The following TGM4 variants were observed in gnomAD, a reference collection of about 807,000 sequenced individuals.
TGM4 encodes transglutaminase 4.
Under a neutral mutation model 76.3 loss-of-function variants are expected in TGM4, and 61 were observed. That is an observed-to-expected ratio of 0.80 (90% confidence interval 0.65 to 0.99). The LOEUF (loss-of-function observed/expected upper bound fraction) is 0.99, where lower values mean the gene tolerates loss of function less well. TGM4 is among the 50% of genes least tolerant of loss of function. TGM4 has a pLI of 0.00. For synonymous variants in TGM4, 337 were observed against 329.8 expected, an observed-to-expected ratio of 1.02 and a Z score of -0.24; for missense variants, 794 against 843.2, an observed-to-expected ratio of 0.94 and a Z score of 0.72.
intron 3 of TGM4, chr3:44,888,883 T>A (rs184379012): frequency 6.6e-6 from 1 of 152,200 alleles, no homozygotes; most frequent in East Asian, 1.9e-4. Context: ...GTTAGCCTTG[T>A]GGATTCTGGA....
chr3:44,874,719 G>A lies in TGM4; in HGVS notation c.19+22G>A, dbSNP rs200870959. The A allele has an allele frequency of 2.7e-4, 431 of 1,614,180 alleles. 2 individuals carry two copies. The highest frequency in any genetic ancestry group is 2.4e-3 in the African/African-American group (179 of 75,056). ...AAAGGTGAGTGGGTGAAATCTCCATGGAGCCCCACATGCCCCTTCAGCCAG... is the reference window on the plus strand; with the variant it reads ...AAAGGTGAGTGGGTGAAATCTCCATAGAGCCCCACATGCCCCTTCAGCCAG... On this transcript the variant is annotated intron_variant, in intron 1 of 13. Coordinates refer to ENST00000296125, the MANE Select transcript of TGM4 (RefSeq NM_003241.4).
intron 8 of TGM4, 142 bp downstream of exon 8, chr3:44,902,073 G>T (rs530575663): frequency 1.8e-6 from 2 of 1,081,804 alleles, no homozygotes; most frequent in East Asian, 5.2e-5. Context: ...AGCCTCCCAG[G>T]TAGCTGTGAT....
At chr3:44,907,304 CCCTA>C (rs1699937579) in intron 10 of TGM4, 104 bp downstream of exon 10, 3 of 1,086,620 alleles carry the variant, frequency 2.8e-6, no homozygotes, top group African/African-American at 1.9e-5. Context: ...GAAACCCCAT[CCCTA>C]CCAAAAAAAA....
chr3:44,881,445 G>A (rs1699530994), intron 1 of TGM4, among the ~76,000 whole-genome samples: 1 of 152,204 alleles, frequency 6.6e-6, no homozygotes, highest in South Asian at 2.1e-4. Flanking sequence ...TTACAGTTAT[G>A]GAGGCTGAGA....
chr3:44,905,759 T>C (rs1699913337), intron 9 of TGM4, among the ~76,000 whole-genome samples: 1 of 152,240 alleles, frequency 6.6e-6, no homozygotes, highest in Non-Finnish European at 1.5e-5. Flanking sequence ...AGATAAGGCA[T>C]TGCCCTTATA....
In TGM4 at chr3:44,885,865, T is replaced by G. The variant is rs1159232534; in HGVS notation, c.193+367T>G. ...TGGGCTGGAGGCAAGCCAATAATAA[T>G]GATTAAAATATCATATTTTGGTTGC... is the stretch of plus-strand genomic sequence containing the variant. On this transcript the variant is annotated intron_variant, in intron 2 of 13. Coordinates refer to ENST00000296125, the MANE Select transcript of TGM4 (RefSeq NM_003241.4). Among the ~76,000 whole-genome samples the G allele has an allele frequency of 2.6e-5, 4 of 152,142 alleles. No individual in the cohort carries two copies. The East Asian group carries it at 5.8e-4, about 22-fold the overall frequency.
chr3:44,904,248 A>G (rs937833), intron 9 of TGM4, among the ~76,000 whole-genome samples: 84,035 of 152,026 alleles, frequency 0.55, 23,770 homozygotes, highest in East Asian at 0.89. Flanking sequence ...CCTACTGCAT[A>G]CCATGCGCAG....
chr3:44,910,846 G>T, intron 11 of TGM4, 112 bp from the exon 12 acceptor site: 1 of 1,243,680 alleles, frequency 8.0e-7, no homozygotes. Flanking sequence ...CATGTCCAAA[G>T]TTATCCAGTT....
intron 6 of TGM4, among the ~76,000 whole-genome samples, chr3:44,898,206 G>T (rs960326535): frequency 6.6e-6 from 1 of 150,868 alleles, no homozygotes; most frequent in Non-Finnish European, 1.5e-5. Context: ...ACTTGAACCC[G>T]AGAGGCAGAG....
Position 44,903,289 on chromosome 3 carries a change from T to TGAAC in TGM4, c.972-593_972-592insACGA, listed in dbSNP as rs558401588. On this transcript the variant is annotated intron_variant, in intron 8 of 13. Coordinates refer to ENST00000296125, the MANE Select transcript of TGM4 (RefSeq NM_003241.4). ...CCAATACCCTGTGGATACCGAGGAA[T>TGAAC]GACTGTTAATTGTCTACCTAGAAAA... 4.4e-3 allele frequency among the ~76,000 whole-genome samples: 664 copies of TGAAC among 152,090 alleles called. 5 individuals carry two copies. The highest frequency in any genetic ancestry group is 0.015 in the African/African-American group (614 of 41,480).
Position 44,901,506 on chromosome 3 carries a change from C to T in TGM4, c.658-18C>T, listed in dbSNP as rs1454019144. ...TTCTGAGGGGCGGACACTGACCCCA[C>T]CCCTACGTGTGTGGCAGATGAGCTT... On this transcript the variant is annotated intron_variant, in intron 6 of 13. Coordinates refer to ENST00000296125, the MANE Select transcript of TGM4 (RefSeq NM_003241.4). The T allele has an allele frequency of 5.7e-6, 9 of 1,592,580 alleles. No individual in the cohort carries two copies. Among genetic ancestry groups the T allele is most frequent in the Non-Finnish European group, 7.7e-6 (9 of 1,166,126 alleles).
At chr3:44,890,869 G>T in intron 4 of TGM4, 137 bp downstream of exon 4, 1 of 1,102,444 alleles carries the variant, frequency 9.1e-7, no homozygotes, top group Non-Finnish European at 1.3e-6. Context: ...CCCAGGAACA[G>T]ATCACAGACA....
chr3:44,906,278 C>A (rs895163897), intron 9 of TGM4, among the ~76,000 whole-genome samples: 1 of 152,128 alleles, frequency 6.6e-6, no homozygotes, highest in East Asian at 1.9e-4. Context: ...ATGTAAAAAC[C>A]AAAGCTACTA....
Position 44,910,341 on chromosome 3 carries a change from A to G in TGM4, c.1579A>G (p.Asn527Asp). 6.2e-7 allele frequency: 1 copy of G among 1,614,030 alleles called. No individual in the cohort carries two copies. Among genetic ancestry groups the G allele is most frequent in the African/African-American group, 1.3e-5 (1 of 75,052 alleles). Residue 527 changes from asparagine to aspartate, a missense_variant, in exon 11 of 14, where the codon AAT becomes GAT. Physicochemically the swap from Asn to Asp is conservative, Grantham distance 23. Coordinates refer to ENST00000296125, the MANE Select transcript of TGM4 (RefSeq NM_003241.4). ...GKKMAKLCDL[N>D]KTSQIQGQVS... ...GAAGATGGCAAAACTGTGTGACCTC[A>G]ATAAGACCTCGCAGATCCAAGGTCA...
At position 44,914,937 on chromosome 3, in the gene TGM4, T is replaced by C. The variant is rs576099488; in HGVS notation, c.*1212T>C. ...TCAATCCTGGTCACCCTTGCCCAAG[T>C]TGCCCACATCCCTGGCATACAGTAG... On this transcript the variant is annotated 3_prime_UTR_variant, in exon 14 of 14. Coordinates refer to ENST00000296125, the MANE Select transcript of TGM4 (RefSeq NM_003241.4). 1 of 152,308 alleles carries C rather than the reference T, an allele frequency of 6.6e-6. No homozygotes were observed. The highest frequency in any genetic ancestry group is 6.5e-5 in the Admixed American group (1 of 15,306). 9.4% of individuals were successfully genotyped at this position (152,308 alleles called of 1,614,324 possible).
Position 44,891,963 on chromosome 3 carries a change from G to GA in TGM4, c.430+1242dup, listed in dbSNP as rs552774367. Among the ~76,000 whole-genome samples, 326 of 115,208 alleles carry GA rather than the reference G, an allele frequency of 2.8e-3. 1 individual carries two copies. The highest frequency in any genetic ancestry group is 7.4e-3 in the Admixed American group (77 of 10,386). The allele number at this position is 115,208 out of a possible 152,430, so 75.6% of individuals were successfully genotyped here. On this transcript the variant is annotated intron_variant, in intron 4 of 13. Coordinates refer to ENST00000296125, the MANE Select transcript of TGM4 (RefSeq NM_003241.4). ...GCACTCCAGCTCTGTCTCAAAAAAG[G>GA]AAAAAAAAAAATAGGCCAGGCGCGG...
At chr3:44,898,541 T>C (rs1371795128) in intron 6 of TGM4, among the ~76,000 whole-genome samples, 1 of 152,198 alleles carries the variant, frequency 6.6e-6, no homozygotes, top group Non-Finnish European at 1.5e-5. Context: ...CCAATGCCAG[T>C]GAGGACCACT....
At chr3:44,902,108 G>T (rs1699863256) in intron 8 of TGM4, among the ~76,000 whole-genome samples, 177 bp downstream of exon 8, 1 of 152,166 alleles carries the variant, frequency 6.6e-6, no homozygotes, top group African/African-American at 2.4e-5. Context: ...ACCATGCGTG[G>T]CATCCCAGGA....
At chr3:44,897,456 T>C (rs1408541693) in intron 6 of TGM4, among the ~76,000 whole-genome samples, 3 of 152,332 alleles carry the variant, frequency 2.0e-5, no homozygotes, top group East Asian at 1.9e-4. Flanking sequence ...TGGGCTCCAG[T>C]TGGGTGAGCA....
Sources: allele counts gnomAD v4.1 joint callset (sites outside exome capture counted in the v4.1 genomes callset), GRCh38; gene constraint gnomAD v4.1.1; transcripts MANE v1.5; gene names NCBI Gene and HGNC (gene_info 2026-07-23, HGNC 2026-07-21).